Variants in DENND2A observed in about 807,000 individuals in gnomAD.
DENND2A encodes the protein DENN domain containing 2A.
In DENND2A, 53 loss-of-function variants were observed where a neutral mutation model predicts 105.3. The observed-to-expected ratio is 0.50, with a 90% confidence interval of 0.40 to 0.63. The LOEUF (loss-of-function observed/expected upper bound fraction) is 0.63. DENND2A is among the 30% of genes least tolerant of loss of function. The pLI is 0.00. For missense variants in DENND2A, 1,138 were observed against 1,279.6 expected (o/e 0.89, Z 1.69); for synonymous variants, 522 against 508.4 (o/e 1.03, Z -0.36).
At chr7:140,594,040 G>C (rs975314757) in intron 3 of DENND2A, among the ~76,000 whole-genome samples, 4 of 151,900 alleles carry the variant, frequency 2.6e-5, no homozygotes, top group African/African-American at 9.7e-5. Flanking sequence ...CAAGTAGCTG[G>C]GATTACAGGC....
intron 1 of DENND2A, among the ~76,000 whole-genome samples, chr7:140,619,616 C>G (rs1383984557): frequency 2.0e-5 from 3 of 152,072 alleles, no homozygotes; most frequent in African/African-American, 7.2e-5. Flanking sequence ...TCTCCTGCCT[C>G]AGCCTCCCAA....
chr7:140,602,096 G>A lies in DENND2A; in HGVS notation c.302C>T (p.Pro101Leu). Reference protein sequence around the residue: ...QVTEAKNGMRPGTESTEKERN... With the variant: ...QVTEAKNGMRLGTESTEKERN... ...CTCCTTCTCTGTGCTCTCTGTTCCT[G>A]GCCTCATTCCATTCTTAGCCTCTGT... is the stretch of plus-strand genomic sequence containing the variant. The change falls in exon 3 of 20, where the codon CCA becomes CTA. Residue 101 changes from proline to leucine, a missense_variant. Physicochemically the swap from Pro to Leu is moderately conservative, Grantham distance 98. Transcript: ENST00000496613. The A allele has an allele frequency of 6.2e-7, 1 of 1,614,006 alleles. No individual in the cohort carries two copies. Among genetic ancestry groups the A allele is most frequent in the Non-Finnish European group, 8.5e-7 (1 of 1,180,004 alleles).
chr7:140,623,951 GT>G (rs149384145), intron 1 of DENND2A, among the ~76,000 whole-genome samples: 2 of 152,290 alleles, frequency 1.3e-5, no homozygotes, highest in Non-Finnish European at 2.9e-5. Flanking sequence ...TTCAGTTCTT[GT>G]TTGGATCTAC....
Position 140,561,307 on chromosome 7 carries a change from T to C in DENND2A, c.1780-1490A>G, listed in dbSNP as rs897694507. Among the ~76,000 whole-genome samples, 3 of 152,192 alleles carry C rather than the reference T, an allele frequency of 2.0e-5. No individual in the cohort carries two copies. In the East Asian group the frequency reaches 5.8e-4, roughly 29 times the overall value. ...TTTTCATGTGAGGAGAATTGTAGGC[T>C]TTGTTGCTGTTGTTGTTAATAGGTT... On this transcript the variant is annotated intron_variant, in intron 9 of 19. Coordinates refer to ENST00000496613, the MANE Select transcript of DENND2A (RefSeq NM_015689.5).
At chr7:140,616,042 T>C (rs1425777574) in intron 1 of DENND2A, among the ~76,000 whole-genome samples, 1 of 152,022 alleles carries the variant, frequency 6.6e-6, no homozygotes, top group Non-Finnish European at 1.5e-5. Context: ...GATCACACAT[T>C]GTGTAATTCA....
chr7:140,630,457 C>T (rs994997394), intron 1 of DENND2A, among the ~76,000 whole-genome samples: 4 of 152,098 alleles, frequency 2.6e-5, no homozygotes, highest in South Asian at 4.2e-4. Context: ...TGCATAAATA[C>T]TTGTTGAATA....
intron 3 of DENND2A, among the ~76,000 whole-genome samples, 167 bp from the exon 4 acceptor site, chr7:140,587,947 G>A (rs1384224281): frequency 2.6e-5 from 4 of 152,082 alleles, no homozygotes; most frequent in African/African-American, 7.2e-5. Context: ...GTCTTGCTCC[G>A]TTGCCCAGGC....
At chr7:140,607,095 G>A (rs1447898187) in intron 1 of DENND2A, among the ~76,000 whole-genome samples, 6 of 152,058 alleles carry the variant, frequency 3.9e-5, no homozygotes, top group Non-Finnish European at 8.8e-5. Flanking sequence ...CAAGATACTG[G>A]GTATTTACGT....
rs766204304 is a variant in DENND2A, at chr7:140,568,800, G to C, written c.1554C>G (p.Asn518Lys). ...CCTCTGTGTCACTGTCAGACTCACT[G>C]TTCTCATCTGTCACTAGAAGAAAAG... ...ESNSGKVTDE[N>K]SESDSDTEEK... The change falls in exon 8 of 20, where the codon AAC becomes AAG. Residue 518 changes from asparagine to lysine, a missense_variant. Physicochemically the swap from Asn to Lys is moderately conservative, Grantham distance 94. This residue lies in a region of DENND2A where 627 missense variants were observed against 779.8 expected (regional missense o/e 0.80). Coordinates refer to ENST00000496613, the MANE Select transcript of DENND2A (RefSeq NM_015689.5). 6 of 1,614,014 alleles carry C rather than the reference G, an allele frequency of 3.7e-6. No homozygotes were observed. In the Admixed American group the frequency reaches 1.0e-4, roughly 27 times the overall value.
At chr7:140,543,062 C>T (rs924063114) in intron 14 of DENND2A, among the ~76,000 whole-genome samples, 11 of 151,830 alleles carry the variant, frequency 7.2e-5, no homozygotes, top group Non-Finnish European at 1.3e-4. Context: ...CCTGGAGAGT[C>T]GGCTTATGTC....
intron 3 of DENND2A, among the ~76,000 whole-genome samples, chr7:140,592,218 T>TA (rs1313791911): frequency 2.7e-5 from 4 of 149,402 alleles, no homozygotes; most frequent in Non-Finnish European, 4.5e-5. Context: ...TTTTATTTTT[T>TA]TTTTTTGAGA....
In DENND2A at chr7:140,518,605, G is replaced by A. The variant is rs376350934; in HGVS notation, c.*102C>T. On this transcript the variant is annotated 3_prime_UTR_variant, in exon 20 of 20. Coordinates refer to ENST00000496613, the MANE Select transcript of DENND2A (RefSeq NM_015689.5). Reference sequence around the variant, plus strand: ...AGAAGCCACCGCGGCCTCCAGTTCCGCACCGTGACAACCTGGGACCCAGCC... The same window carrying A: ...AGAAGCCACCGCGGCCTCCAGTTCCACACCGTGACAACCTGGGACCCAGCC... 80 of 1,315,686 alleles carry A rather than the reference G, an allele frequency of 6.1e-5. No individual in the cohort carries two copies. In the African/African-American group the frequency reaches 8.2e-4, roughly 13 times the overall value. 81.5% of individuals were successfully genotyped at this position (1,315,686 alleles called of 1,614,324 possible). A position where few individuals can be genotyped will look rare whatever the true frequency, so the allele number is the denominator to read the frequency against.
Position 140,603,138 on chromosome 7 carries a change from C to A in DENND2A, c.-145-596G>T, listed in dbSNP as rs148816589. Among the ~76,000 whole-genome samples, 49 of 151,902 alleles carry A rather than the reference C, an allele frequency of 3.2e-4. No homozygotes were observed. In the East Asian group the frequency reaches 9.3e-3, roughly 29 times the overall value. The stretch of plus-strand genomic sequence containing the variant: ...TCTGTACTAAAAATACAAAGATTAG[C>A]GGGGTGTGGTGGCAGGCCCTGTAAT... On this transcript the variant is annotated intron_variant, in intron 2 of 19. Transcript: ENST00000496613.
chr7:140,565,403 T>G (rs684246), intron 9 of DENND2A, among the ~76,000 whole-genome samples: 63,189 of 151,836 alleles, frequency 0.42, 13,671 homozygotes, highest in African/African-American at 0.51. Flanking sequence ...AGGAGACACA[T>G]TTTGTTTATC....
chr7:140,638,494 TCTC>T (rs760459745), intron 1 of DENND2A, among the ~76,000 whole-genome samples: 34 of 152,008 alleles, frequency 2.2e-4, no homozygotes, highest in Non-Finnish European at 3.7e-4. Context: ...AAAGCCTTGG[TCTC>T]CTCCTCCTCC....
At position 140,600,737 on chromosome 7, in the gene DENND2A, C is replaced by T. The variant is rs574417544; in HGVS notation, c.995+666G>A. On this transcript the variant is annotated intron_variant, in intron 3 of 19. Coordinates refer to ENST00000496613, the MANE Select transcript of DENND2A (RefSeq NM_015689.5). ...GATGAAAGGGAGTACAACAACTGTT[C>T]TGAGGAGTTTTGCTCTAAAGCTGGT... Among the ~76,000 whole-genome samples, 6 of 152,214 alleles carry T rather than the reference C, an allele frequency of 3.9e-5. No individual in the cohort carries two copies. The East Asian group carries it at 1.2e-3, about 29-fold the overall frequency.
intron 12 of DENND2A, among the ~76,000 whole-genome samples, chr7:140,553,332 A>G (rs1797216854): frequency 6.6e-6 from 1 of 152,252 alleles, no homozygotes; most frequent in Non-Finnish European, 1.5e-5. Context: ...AATGCTTTAC[A>G]AAGCAGTATT....
chr7:140,634,673 C>G (rs1800854203), intron 1 of DENND2A, among the ~76,000 whole-genome samples: 1 of 152,076 alleles, frequency 6.6e-6, no homozygotes, highest in African/African-American at 2.4e-5. Flanking sequence ...GAGTTCCAAA[C>G]CAGCCTGGCC....
intron 12 of DENND2A, among the ~76,000 whole-genome samples, chr7:140,555,086 T>C (rs554306391): frequency 1.1e-3 from 168 of 151,680 alleles, no homozygotes; most frequent in Middle Eastern, 6.9e-3. Flanking sequence ...TCAATTATCT[T>C]GCCATCCCTG....
Sources: gnomAD v4.1 joint callset for allele counts (sites outside exome capture counted in the v4.1 genomes callset) on GRCh38, gnomAD v4.1.1 for gene constraint, gnomAD v4.1.1 regional missense constraint, MANE v1.5 for transcripts, NCBI Gene and HGNC (gene_info 2026-07-23, HGNC 2026-07-21) for gene names.